UBA6: variants seen among roughly 807,000 people sequenced by gnomAD.
UBA6 encodes the protein ubiquitin like modifier activating enzyme 6, also known as ubiquitin-like modifier-activating enzyme 6.
A neutral mutation model predicts 148.3 loss-of-function variants in UBA6; 87 were observed. The observed-to-expected ratio is 0.59, with a 90% CI of 0.49 to 0.70. The LOEUF is 0.70. UBA6 is among the 30% of genes least tolerant of loss of function. The pLI is 0.00. For synonymous variants in UBA6, 376 were observed against 401.0 expected (o/e 0.94, Z 0.75); for missense variants, 1,186 against 1,241.2 (o/e 0.96, Z 0.67).
At chr4:67,637,801 C>T (rs555588638) in intron 19 of UBA6, among the ~76,000 whole-genome samples, 106 of 152,128 alleles carry the variant, frequency 7.0e-4, no homozygotes, top group African/African-American at 2.2e-3. Context: ...ACAAACACTG[C>T]GGTAGGCCAC....
At chr4:67,678,320 G>C in intron 5 of UBA6, 119 bp downstream of exon 5, 1 of 504,752 alleles carries the variant, frequency 2.0e-6, no homozygotes, top group South Asian at 5.0e-5. Flanking sequence ...ATCTTTACCT[G>C]TATAAAGTAG....
intron 3 of UBA6, 87 bp from the exon 4 acceptor site, chr4:67,681,678 G>A: frequency 1.1e-6 from 1 of 877,696 alleles, no homozygotes; most frequent in Non-Finnish European, 1.7e-6. Flanking sequence ...ATATCTGACT[G>A]CATACTTTTA....
chr4:67,628,753 T>C (rs1277266591), intron 27 of UBA6, among the ~76,000 whole-genome samples: 1 of 151,902 alleles, frequency 6.6e-6, no homozygotes, highest in African/African-American at 2.4e-5. Flanking sequence ...AGGGGATCTT[T>C]ATGTATCTTG....
intron 27 of UBA6, among the ~76,000 whole-genome samples, chr4:67,627,598 T>A (rs957091460): frequency 5.9e-5 from 9 of 151,910 alleles, no homozygotes; most frequent in Admixed American, 5.3e-4. Flanking sequence ...TTTCTGTTTA[T>A]CCTCACCCTA....
At chr4:67,663,237 G>T (rs114171040) in intron 11 of UBA6, 22 bp from the exon 12 acceptor site, 2 of 1,571,742 alleles carry the variant, frequency 1.3e-6, no homozygotes. Flanking sequence ...ATTAAAAATC[G>T]GCCAACATTT....
rs1729001294 is a variant in UBA6, at chr4:67,631,706, A to T, written c.2258+2T>A. ...TACATAAAACTAAATATAAATACTT[A>T]CAAAGGCTCATTTAAATCAAATTTT... On this transcript the variant is annotated splice_donor_variant, in intron 25 of 32. Coordinates refer to ENST00000322244, the MANE Select transcript of UBA6 (RefSeq NM_018227.6). LOFTEE classifies it high-confidence loss of function. 1 of 1,600,752 alleles carries T rather than the reference A, an allele frequency of 6.2e-7. No homozygotes were observed.
chr4:67,658,198 C>T (rs936907534), intron 13 of UBA6, among the ~76,000 whole-genome samples: 13 of 152,134 alleles, frequency 8.5e-5, no homozygotes, highest in African/African-American at 3.1e-4. Flanking sequence ...TGGGTATACA[C>T]CCAAAGGATT....
chr4:67,668,710 T>G (rs1307878666), intron 8 of UBA6, 36 bp from the exon 9 acceptor site: 4 of 1,568,904 alleles, frequency 2.5e-6, no homozygotes, highest in Non-Finnish European at 3.5e-6. Context: ...AAAGAACTTC[T>G]TTTTTGTATT....
rs1004309185 is a variant in UBA6 at position 67,618,918 on chromosome 4, C to G, written c.*79G>C. 2 of 1,414,504 alleles carry G rather than the reference C, an allele frequency of 1.4e-6. No individual in the cohort carries two copies. Among genetic ancestry groups the G allele is most frequent in the African/African-American group, 2.9e-5 (2 of 69,452 alleles). The allele number at this position is 1,414,504 out of a possible 1,614,324, so 87.6% of individuals were successfully genotyped here. ...AAAGAGAAATCCATAGTATTATGAA[C>G]TGATTTTCTTTAGCTTCTGAATTAA... On this transcript the variant is annotated 3_prime_UTR_variant, in exon 33 of 33. Transcript: ENST00000322244.
intron 17 of UBA6, 136 bp from the exon 18 acceptor site, chr4:67,641,364 C>T: frequency 1.8e-6 from 1 of 565,728 alleles, no homozygotes. Context: ...ATGATACAAA[C>T]ATTCCCAAAT....
intron 2 of UBA6, among the ~76,000 whole-genome samples, chr4:67,693,825 G>C (rs1730758052): frequency 6.6e-6 from 1 of 152,048 alleles, no homozygotes. Context: ...AAGAGGCTAA[G>C]GATCCTCATT....
intron 27 of UBA6, 139 bp from the exon 28 acceptor site, chr4:67,626,616 T>C (rs1332807780): frequency 3.3e-6 from 2 of 604,250 alleles, no homozygotes; most frequent in Non-Finnish European, 5.7e-6. Context: ...ATTGGTCCAA[T>C]GTATTTTATA....
chr4:67,697,842 A>G (rs1324769540), intron 1 of UBA6, among the ~76,000 whole-genome samples: 1 of 152,214 alleles, frequency 6.6e-6, no homozygotes, highest in African/African-American at 2.4e-5. Flanking sequence ...TATTCTCCAT[A>G]AAACAGTCTA....
At position 67,634,306 on chromosome 4, in the gene UBA6, G is replaced by C; in HGVS notation, c.1949C>G (p.Ser650Cys). Residue 650 changes from serine (S) to cysteine (C), a missense_variant, in exon 22 of 33, where the codon TCC becomes TGC. By Grantham distance (112) the Ser-to-Cys change is moderately radical. Coordinates refer to ENST00000322244, the MANE Select transcript of UBA6 (RefSeq NM_018227.6). ...WARDKFESSF[S>C]HKPSLFNKFW... ...TTTGTTAAACAATGAAGGTTTGTGG[G>C]AAAAGGAACTTTCAAACTGTAACAG... 6.3e-7 allele frequency: 1 copy of C among 1,591,452 alleles called. No homozygotes were observed. Among genetic ancestry groups the C allele is most frequent in the African/African-American group, 1.4e-5 (1 of 73,512 alleles).
rs1402771783 is a variant in UBA6, at chr4:67,613,216, C to G, written c.*5781G>C. 6.6e-6 allele frequency: 1 copy of G among 151,994 alleles called. No homozygotes were observed. The highest frequency in any genetic ancestry group is 1.5e-5 in the Non-Finnish European group (1 of 67,982). The allele number at this position is 151,994 out of a possible 1,614,324, so 9.4% of individuals were successfully genotyped here. A position where few individuals can be genotyped will look rare whatever the true frequency, so the allele number is the denominator to read the frequency against. ...TACTAATGCAGGTACCTGCCAGAAG[C>G]AAAAAACTCTGTGGAGGATAAAAAT... On this transcript the variant is annotated 3_prime_UTR_variant, in exon 33 of 33. Coordinates refer to ENST00000322244, the MANE Select transcript of UBA6 (RefSeq NM_018227.6).
Position 67,636,522 on chromosome 4 carries a change from C to T in UBA6, c.1737-964G>A, listed in dbSNP as rs140321674. ...TTCTCCTGCCTCAGCCTGCCTAGTGCCTGCGATTGCAGGCGCGCACCGCCA... is the reference window on the plus strand; with the variant it reads ...TTCTCCTGCCTCAGCCTGCCTAGTGTCTGCGATTGCAGGCGCGCACCGCCA... On this transcript the variant is annotated intron_variant, in intron 19 of 32. Transcript: ENST00000322244. 1.4e-3 allele frequency among the ~76,000 whole-genome samples: 213 copies of T among 152,338 alleles called. 2 individuals are homozygous for T. The highest frequency in any genetic ancestry group is 5.0e-3 in the African/African-American group (206 of 41,568).
At chr4:67,657,085 T>A (rs13135917) in intron 13 of UBA6, among the ~76,000 whole-genome samples, 2 of 151,944 alleles carry the variant, frequency 1.3e-5, no homozygotes, top group African/African-American at 4.8e-5. Flanking sequence ...AGAATCAATA[T>A]CATTAAAACG....
chr4:67,689,122 G>C (rs1348670223), intron 2 of UBA6, among the ~76,000 whole-genome samples: 3 of 152,082 alleles, frequency 2.0e-5, no homozygotes, highest in African/African-American at 7.2e-5. Flanking sequence ...TAAATTCTAT[G>C]AGATATTCAA....
chr4:67,676,019 C>CTTTT (rs397878783), intron 6 of UBA6, among the ~76,000 whole-genome samples: 2 of 117,144 alleles, frequency 1.7e-5, no homozygotes, highest in East Asian at 2.4e-4. Flanking sequence ...ATAGTACTAC[C>CTTTT]TTTTTTTTTT....
Sources: allele counts gnomAD v4.1 joint callset (sites outside exome capture counted in the v4.1 genomes callset), GRCh38; gene constraint gnomAD v4.1.1; transcripts MANE v1.5; gene names NCBI Gene and HGNC (gene_info 2026-07-23, HGNC 2026-07-21).